Variants in DTL observed in about 807,000 individuals in gnomAD.
DTL encodes denticleless E3 ubiquitin protein ligase adapter, also known as denticleless protein homolog.
In DTL, 46 loss-of-function variants were observed where a neutral mutation model predicts 87.0. That is an observed-to-expected ratio of 0.53 (90% CI 0.42 to 0.68). The LOEUF is 0.68. DTL is among the 30% of genes least tolerant of loss of function. DTL has a pLI of 0.00. For synonymous variants in DTL, 308 were observed against 311.2 expected, an observed-to-expected ratio of 0.99 and a Z score of 0.11; for missense variants, 737 against 869.4, an observed-to-expected ratio of 0.85 and a Z score of 1.91.
At chr1:212,068,387 A>AAAAAAAAT in intron 9 of DTL, 60 bp downstream of exon 9, 1 of 977,780 alleles carries the variant, frequency 1.0e-6, no homozygotes, top group Non-Finnish European at 1.5e-6. Flanking sequence ...AAAAAAAAAA[A>AAAAAAAAT]GGCTAATTTC....
At chr1:212,091,646 A>G (rs1655285579) in intron 13 of DTL, among the ~76,000 whole-genome samples, 2 of 152,234 alleles carry the variant, frequency 1.3e-5, no homozygotes, top group South Asian at 4.1e-4. Flanking sequence ...AACAACAGGG[A>G]TGAACCTGAA....
intron 13 of DTL, among the ~76,000 whole-genome samples, chr1:212,082,324 A>G (rs1655010941): frequency 6.6e-6 from 1 of 152,236 alleles, no homozygotes; most frequent in African/African-American, 2.4e-5. Flanking sequence ...GACTACAAGT[A>G]TAGACAGTTC....
intron 12 of DTL, among the ~76,000 whole-genome samples, chr1:212,080,058 T>C (rs1298391200): frequency 6.6e-6 from 1 of 152,210 alleles, no homozygotes; most frequent in African/African-American, 2.4e-5. Context: ...TCTTTCAGCC[T>C]AGGGAACTTG....
At chr1:212,058,732 G>T (rs1379926373) in intron 5 of DTL, among the ~76,000 whole-genome samples, 1 of 151,550 alleles carries the variant, frequency 6.6e-6, no homozygotes, top group Non-Finnish European at 1.5e-5. Context: ...ACAAGAAAAA[G>T]GGTCAACAAA....
chr1:212,089,495 G>A (rs1011899093), intron 13 of DTL, among the ~76,000 whole-genome samples: 1 of 152,038 alleles, frequency 6.6e-6, no homozygotes, highest in Non-Finnish European at 1.5e-5. Context: ...AGAAAATTGC[G>A]GAATGCACAA....
Position 212,072,778 on chromosome 1 carries a change from T to TTA in DTL, c.1035+565_1035+566insTA, listed in dbSNP as rs550553947. ...TACTAATCTTTTTTTTTTTTTTTTTTATTGAGATGGAGTCTCACTCTGTCG... is the reference window on the plus strand; with the variant it reads ...TACTAATCTTTTTTTTTTTTTTTTTTTAATTGAGATGGAGTCTCACTCTGTCG... On this transcript the variant is annotated intron_variant, in intron 11 of 14. Coordinates refer to ENST00000366991, the MANE Select transcript of DTL (RefSeq NM_016448.4). Among the ~76,000 whole-genome samples the TTA allele has an allele frequency of 7.3e-4, 104 of 142,502 alleles. 5 individuals carry two copies. Among genetic ancestry groups the TTA allele is most frequent in the South Asian group, 6.2e-3 (28 of 4,510 alleles). 93.5% of individuals were successfully genotyped at this position (142,502 alleles called of 152,430 possible).
intron 13 of DTL, among the ~76,000 whole-genome samples, chr1:212,089,398 GAT>G (rs767869570): frequency 2.6e-5 from 4 of 152,022 alleles, no homozygotes; most frequent in African/African-American, 9.7e-5. Flanking sequence ...AACATGTACA[GAT>G]ATATATATAG....
chr1:212,073,576 A>G (rs1654739810), intron 11 of DTL, among the ~76,000 whole-genome samples: 2 of 152,210 alleles, frequency 1.3e-5, no homozygotes, highest in Admixed American at 1.3e-4. Flanking sequence ...TCCTGAGGGA[A>G]GTACAAAAGA....
At chr1:212,084,749 C>T in intron 13 of DTL, among the ~76,000 whole-genome samples, 1 of 152,150 alleles carries the variant, frequency 6.6e-6, no homozygotes, top group Middle Eastern at 3.2e-3. Flanking sequence ...ACTCCCTTTC[C>T]TGTGTCCCAC....
At chr1:212,054,619 C>T (rs1346496984) in intron 5 of DTL, among the ~76,000 whole-genome samples, 3 of 151,608 alleles carry the variant, frequency 2.0e-5, no homozygotes, top group Admixed American at 2.0e-4. Context: ...GATGGTGAAA[C>T]CCTGTCTCTA....
In DTL at chr1:212,103,499, A is replaced by G. The variant is rs965749385; in HGVS notation, c.*559A>G. The G allele has an allele frequency of 6.6e-6, 1 of 152,206 alleles. No homozygotes were observed. The highest frequency in any genetic ancestry group is 2.4e-5 in the African/African-American group (1 of 41,454). 9.4% of individuals were successfully genotyped at this position (152,206 alleles called of 1,614,324 possible). A position where few individuals can be genotyped will look rare whatever the true frequency, so the allele number is the denominator to read the frequency against. Reference sequence around the variant, plus strand: ...GTGATGCTCAGATAAGTACATTTATATCAGTTCAGTGTTAAAATGCAGTCT... The same window carrying G: ...GTGATGCTCAGATAAGTACATTTATGTCAGTTCAGTGTTAAAATGCAGTCT... On this transcript the variant is annotated 3_prime_UTR_variant, in exon 15 of 15. Coordinates refer to ENST00000366991, the MANE Select transcript of DTL (RefSeq NM_016448.4).
At chr1:212,066,043 A>G (rs1405721814) in intron 7 of DTL, among the ~76,000 whole-genome samples, 1 of 152,224 alleles carries the variant, frequency 6.6e-6, no homozygotes, top group Admixed American at 6.5e-5. Context: ...TGAGAAACAC[A>G]TGGGTAGAAC....
intron 2 of DTL, among the ~76,000 whole-genome samples, chr1:212,043,459 T>C (rs936068564): frequency 3.3e-5 from 5 of 152,136 alleles, no homozygotes; most frequent in African/African-American, 7.2e-5. Flanking sequence ...CTGTGACTCA[T>C]TGGGGAATAT....
rs963304810 is a variant in DTL at position 212,087,955 on chromosome 1, C to T, written c.1261+7205C>T. ...TTTCTCCTGCCCTACCTTTCCCAGC[C>T]GGCACCTGCTTCATTGCTTACCACT... On this transcript the variant is annotated intron_variant, in intron 13 of 14. Transcript: ENST00000366991. Among the ~76,000 whole-genome samples the T allele has an allele frequency of 3.9e-5, 6 of 152,018 alleles. No homozygotes were observed. In the South Asian group the frequency reaches 6.2e-4, roughly 16 times the overall value.
intron 6 of DTL, 118 bp downstream of exon 6, chr1:212,063,067 A>G (rs987550071): frequency 5.4e-6 from 4 of 736,730 alleles, no homozygotes; most frequent in Middle Eastern, 2.4e-4. Flanking sequence ...ATAATTTCCC[A>G]TTTCTGCTCA....
chr1:212,102,862 C>A lies in DTL; in HGVS notation c.2115C>A (p.Ser705=). The A allele has an allele frequency of 6.2e-7, 1 of 1,612,296 alleles. No homozygotes were observed. The highest frequency in any genetic ancestry group is 1.1e-5 in the South Asian group (1 of 90,920). ...TCTAGGTCACCATCACGCCCAGCTC[C>A]ATGAGGAAAATCTGCACATACTTCC... is the stretch of plus-strand genomic sequence containing the variant. ...LPSPVTITPS[S]MRKICTYFHR... is the part of the protein sequence containing the mutation. Residue 705 remains serine, a synonymous_variant, in exon 15 of 15, where the codon TCC becomes TCA. Coordinates refer to ENST00000366991, the MANE Select transcript of DTL (RefSeq NM_016448.4).
intron 5 of DTL, among the ~76,000 whole-genome samples, chr1:212,058,018 G>A (rs2102543060): frequency 6.6e-6 from 1 of 152,238 alleles, no homozygotes; most frequent in East Asian, 1.9e-4. Flanking sequence ...TTCAGCCAAA[G>A]GATATATCAA....
At chr1:212,079,753 A>G (rs1284088515) in intron 12 of DTL, among the ~76,000 whole-genome samples, 2 of 152,226 alleles carry the variant, frequency 1.3e-5, no homozygotes, top group South Asian at 2.1e-4. Context: ...TGAGATTCCA[A>G]ACATTTCATA....
chr1:212,068,331 A>G lies in DTL; in HGVS notation c.817+4A>G. 1 of 1,569,624 alleles carries G rather than the reference A, an allele frequency of 6.4e-7. No homozygotes were observed. Among genetic ancestry groups the G allele is most frequent in the Non-Finnish European group, 8.7e-7 (1 of 1,154,816 alleles). Reference sequence around the variant, plus strand: ...GGTAGCAGCACTCGAAAACTTGGTAAGCCTTTAATAGGTCTTTTGGGGGAG... The same window carrying G: ...GGTAGCAGCACTCGAAAACTTGGTAGGCCTTTAATAGGTCTTTTGGGGGAG... On this transcript the variant is annotated splice_donor_region_variant and intron_variant, in intron 9 of 14. Coordinates refer to ENST00000366991, the MANE Select transcript of DTL (RefSeq NM_016448.4).
Sources: gnomAD v4.1 joint callset for allele counts (sites outside exome capture counted in the v4.1 genomes callset) on GRCh38, gnomAD v4.1.1 for gene constraint, MANE v1.5 for transcripts, NCBI Gene and HGNC (gene_info 2026-07-23, HGNC 2026-07-21) for gene names.